Variants in CAPN15 observed in about 807,000 individuals in gnomAD.
CAPN15 encodes the protein calpain-15.
CAPN15 carries 53 observed loss-of-function variants against 97.9 expected under a neutral mutation model. The observed-to-expected ratio is 0.54, with a 90% CI of 0.43 to 0.68. CAPN15 has a LOEUF of 0.68. Ranked by LOEUF, CAPN15 falls within the 30% of genes least tolerant of loss-of-function variation. The pLI is 0.00. For missense variants in CAPN15, 1,592 were observed against 1,589.8 expected, an observed-to-expected ratio of 1.00 and a Z score of -0.02; for synonymous variants, 922 against 722.5, an observed-to-expected ratio of 1.28 and a Z score of -4.43.
In CAPN15 at chr16:552,585, T is replaced by TCACACGC. The variant is rs2035173141; in HGVS notation, c.2738-18_2738-12dup. Reference sequence around the variant, plus strand: ...CCAGGCCCACGGGGAGGGCTGCGGTTCACACGCCCGTCCTTGTAGCCTCCA... The same window carrying TCACACGC: ...CCAGGCCCACGGGGAGGGCTGCGGTTCACACGCCACACGCCCGTCCTTGTAGCCTCCA... On this transcript the variant is annotated intron_variant, in intron 11 of 13. Coordinates refer to ENST00000219611, the MANE Select transcript of CAPN15 (RefSeq NM_005632.3). This position sits in a 1 kb window ranked among gnomAD's most constrained non-coding sequence, Gnocchi z 6.4. The TCACACGC allele has an allele frequency of 1.3e-6, 2 of 1,551,482 alleles. No individual in the cohort carries two copies. Among genetic ancestry groups the TCACACGC allele is most frequent in the East Asian group, 4.8e-5 (2 of 41,872 alleles).
intron 3 of CAPN15, chr16:537,575 C>T: frequency 2.5e-6 from 1 of 396,304 alleles, no homozygotes; most frequent in Non-Finnish European, 3.4e-6. Flanking sequence ...TCCCGTGGCA[C>T]CTCCGCTAGT....
chr16:540,309 G>C lies in CAPN15; in HGVS notation c.-23+4167G>C, dbSNP rs1360839684. 3.0e-6 allele frequency: 3 copies of C among 985,402 alleles called. No homozygotes were observed. In the Admixed American group the frequency reaches 1.8e-4, roughly 61 times the overall value. The allele number at this position is 985,402 out of a possible 1,614,324, so 61.0% of individuals were successfully genotyped here. On this transcript the variant is annotated intron_variant, in intron 3 of 13. Coordinates refer to ENST00000219611, the MANE Select transcript of CAPN15 (RefSeq NM_005632.3). The stretch of plus-strand genomic sequence containing the variant: ...GCTGGTGTAGGAGCGGCCCAGGGGG[G>C]CCCGTCTGGGGAGGTGCCCTGGTCA...
At chr16:540,417 G>A (rs1305445922) in intron 3 of CAPN15, 15 of 931,700 alleles carry the variant, frequency 1.6e-5, no homozygotes, top group Non-Finnish European at 1.9e-5. Context: ...CGGGGGCAGA[G>A]GGCCTCGTTC....
At position 553,326 on chromosome 16, in the gene CAPN15, T is replaced by C. The variant is rs865959472; in HGVS notation, c.3084-13T>C. 1 of 1,413,090 alleles carries C rather than the reference T, an allele frequency of 7.1e-7. No individual in the cohort carries two copies. The highest frequency in any genetic ancestry group is 9.4e-7 in the Non-Finnish European group (1 of 1,061,238). The allele number at this position is 1,413,090 out of a possible 1,614,324, so 87.5% of individuals were successfully genotyped here. A position where few individuals can be genotyped will look rare whatever the true frequency, so the allele number is the denominator to read the frequency against. Reference sequence around the variant, plus strand: ...CCTGCCCTCCACAGGTCCTCACCGGTCCCCTCCCCCAGGCAGGTCCTGGTG... The same window carrying C: ...CCTGCCCTCCACAGGTCCTCACCGGCCCCCTCCCCCAGGCAGGTCCTGGTG... On this transcript the variant is annotated splice_polypyrimidine_tract_variant and intron_variant, in intron 13 of 13. Coordinates refer to ENST00000219611, the MANE Select transcript of CAPN15 (RefSeq NM_005632.3).
Position 553,471 on chromosome 16 carries a change from A to G in CAPN15, c.3216A>G (p.Pro1072=), listed in dbSNP as rs11248937. The G allele has an allele frequency of 0.47, 763,602 of 1,608,850 alleles. 183,863 individuals are homozygous for G. The highest frequency in any genetic ancestry group is 0.61 in the South Asian group (55,719 of 90,908). Residue 1072 remains proline (P), a synonymous_variant, in exon 14 of 14, where the codon CCA becomes CCG. Coordinates refer to ENST00000219611, the MANE Select transcript of CAPN15 (RefSeq NM_005632.3). ...WTASKGTHSP[P]LTPEVAGLHG... ...CCTCCAAGGGGACCCACAGCCCCCCACTCACGCCAGAGGTCGCCGGTCTGC... is the reference window on the plus strand; with the variant it reads ...CCTCCAAGGGGACCCACAGCCCCCCGCTCACGCCAGAGGTCGCCGGTCTGC...
chr16:549,027 C>A lies in CAPN15; in HGVS notation c.1484C>A (p.Pro495His). 1 of 1,612,776 alleles carries A rather than the reference C, an allele frequency of 6.2e-7. No individual in the cohort carries two copies. Among genetic ancestry groups the A allele is most frequent in the Non-Finnish European group, 8.5e-7 (1 of 1,179,932 alleles). Residue 495 changes from proline to histidine, a missense_variant, in exon 5 of 14, where the codon CCC becomes CAC. Around this residue, in one of 3 missense-constraint regions of CAPN15, gnomAD observed 883 missense variants for 776.6 expected, o/e 1.14. Coordinates refer to ENST00000219611, the MANE Select transcript of CAPN15 (RefSeq NM_005632.3). The stretch of plus-strand genomic sequence containing the variant: ...AGCTTCGTGGATGACAGCTTCCCTC[C>A]CGGGCCCGAGTCTGTCGGCTTCCCC... ...NVSFVDDSFP[P>H]GPESVGFPAG...
At chr16:538,020 GA>G (rs1212610482) in intron 3 of CAPN15, 1 of 152,278 alleles carries the variant, frequency 6.6e-6, no homozygotes, top group Non-Finnish European at 1.5e-5. Flanking sequence ...CGATGTCTCA[GA>G]TACCTCGGAT....
chr16:545,623 T>C (rs1006890280), intron 3 of CAPN15, among the ~76,000 whole-genome samples: 1 of 152,116 alleles, frequency 6.6e-6, no homozygotes. Context: ...CCGCTGGCGA[T>C]TGTTTGGTCC....
chr16:533,361 G>A (rs181687453), intron 1 of CAPN15, among the ~76,000 whole-genome samples: 363 of 152,368 alleles, frequency 2.4e-3, no homozygotes, highest in African/African-American at 8.3e-3. Context: ...GGTCCGCCAT[G>A]GAGAGCATGA....
rs761049457 is a variant in CAPN15, at chr16:549,800, C to T, written c.2028C>T (p.Asp676=). The change falls in exon 7 of 14, where the codon GAC becomes GAT. Residue 676 remains aspartate (D), a synonymous_variant. Coordinates refer to ENST00000219611, the MANE Select transcript of CAPN15 (RefSeq NM_005632.3). ...CCCGCGAGGAGCCCGTTGACACTGA[C>T]CTCATCTGGGCCAAAATGCTGAGTT... The part of the protein sequence containing the change: ...TNPREEPVDT[D]LIWAKMLSSK... 7.5e-6 allele frequency: 12 copies of T among 1,590,106 alleles called. No homozygotes were observed. The South Asian group carries it at 1.0e-4, about 14-fold the overall frequency.
At chr16:545,006 G>T (rs1013816652) in intron 3 of CAPN15, among the ~76,000 whole-genome samples, 1 of 148,948 alleles carries the variant, frequency 6.7e-6, no homozygotes, top group East Asian at 2.0e-4. Context: ...CTTCAGGAGC[G>T]TTCTGGGTTG....
chr16:548,913 C>G, intron 4 of CAPN15, 80 bp from the exon 5 acceptor site: 3 of 1,357,028 alleles, frequency 2.2e-6, no homozygotes, highest in Non-Finnish European at 3.1e-6. Context: ...TTTGGGCGCT[C>G]TCCTGGGTGG....
chr16:550,751 T>C lies in CAPN15; in HGVS notation c.2067-551T>C, dbSNP rs1406628603. ...GGGTCCCCGTCGGTGAGGGTCCCGG[T>C]CGGTGAGGGTCCCCTGCCGGTGAGG... is the stretch of plus-strand genomic sequence containing the variant. On this transcript the variant is annotated intron_variant, in intron 7 of 13. Coordinates refer to ENST00000219611, the MANE Select transcript of CAPN15 (RefSeq NM_005632.3). 1.8e-5 allele frequency among the ~76,000 whole-genome samples: 2 copies of C among 111,568 alleles called. 1 individual carries two copies. The highest frequency in any genetic ancestry group is 7.3e-5 in the African/African-American group (2 of 27,304). 73.2% of individuals were successfully genotyped at this position (111,568 alleles called of 152,430 possible). A position where few individuals can be genotyped will look rare whatever the true frequency, so the allele number is the denominator to read the frequency against.
intron 7 of CAPN15, among the ~76,000 whole-genome samples, 196 bp downstream of exon 7, chr16:550,034 TG>T (rs1165976090): frequency 6.6e-6 from 1 of 152,118 alleles, no homozygotes; most frequent in African/African-American, 2.4e-5. Context: ...GGCCTTCTCA[TG>T]CCAGGAAGGC....
intron 3 of CAPN15, chr16:540,309 G>A (rs1360839684): frequency 3.0e-6 from 3 of 985,402 alleles, no homozygotes; most frequent in Admixed American, 6.1e-5. Flanking sequence ...GCCCAGGGGG[G>A]CCCGTCTGGG....
chr16:537,213 C>T lies in CAPN15; in HGVS notation c.-23+1071C>T, dbSNP rs543596294. 3 of 985,506 alleles carry T rather than the reference C, an allele frequency of 3.0e-6. No individual in the cohort carries two copies. In the African/African-American group the frequency reaches 5.2e-5, roughly 17 times the overall value. The allele number at this position is 985,506 out of a possible 1,614,324, so 61.0% of individuals were successfully genotyped here. On this transcript the variant is annotated intron_variant, in intron 3 of 13. Transcript: ENST00000219611. ...TCCTAGGACAGGCCTCCCTCCTGTC[C>T]AGATGGGGCCCACAGGGTCAGTTGC...
At position 549,823 on chromosome 16, in the gene CAPN15, G is replaced by A. The variant is rs2034861299; in HGVS notation, c.2051G>A (p.Ser684Asn). The change falls in exon 7 of 14, where the codon AGT becomes AAT. Residue 684 changes from serine (S) to asparagine (N), a missense_variant. This residue lies in a region of CAPN15 where 644 missense variants were observed against 699.6 expected (regional missense o/e 0.92). Transcript: ENST00000219611. The stretch of plus-strand genomic sequence containing the variant: ...GACCTCATCTGGGCCAAAATGCTGA[G>A]TTCTAAGGAGGCTGGGTAAGAGGAG... ...DTDLIWAKML[S>N]SKEAGFLMGA... 1 of 1,582,208 alleles carries A rather than the reference G, an allele frequency of 6.3e-7. No homozygotes were observed.
chr16:549,458 T>C lies in CAPN15; in HGVS notation c.1829T>C (p.Leu610Pro). 6.3e-7 allele frequency: 1 copy of C among 1,593,504 alleles called. No homozygotes were observed. ...DMLPCDEAGCLLFSQAQRKQL... is the reference protein window; with the variant it reads ...DMLPCDEAGCPLFSQAQRKQL... Reference sequence around the variant, plus strand: ...CTGCCCTGTGATGAGGCCGGCTGCCTCCTCTTCTCACAGGTGGGGCGGCCT... The same window carrying C: ...CTGCCCTGTGATGAGGCCGGCTGCCCCCTCTTCTCACAGGTGGGGCGGCCT... Residue 610 changes from leucine to proline, a missense_variant, in exon 6 of 14, where the codon CTC (leucine) becomes CCC (proline). By Grantham distance (98) the Leu-to-Pro change is moderately conservative. This residue lies in a region of CAPN15 where 644 missense variants were observed against 699.6 expected (regional missense o/e 0.92). Coordinates refer to ENST00000219611, the MANE Select transcript of CAPN15 (RefSeq NM_005632.3).
intron 7 of CAPN15, among the ~76,000 whole-genome samples, chr16:550,946 TGTCTGTGAGGGCCCCG>T (rs2034994602): frequency 1.4e-5 from 1 of 71,124 alleles, no homozygotes; most frequent in East Asian, 4.3e-4. Context: ...GAGGGTCCCC[TGTCTGTGAGGGCCCCG>T]GTCGGTGAGG....
Sources: gnomAD v4.1 joint callset for allele counts (sites outside exome capture counted in the v4.1 genomes callset) on GRCh38, gnomAD v4.1.1 for gene constraint, gnomAD v4.1.1 regional missense constraint, Gnocchi (gnomAD v3.1) non-coding constraint, MANE v1.5 for transcripts, NCBI Gene and HGNC (gene_info 2026-07-23, HGNC 2026-07-21) for gene names.